The following UNC79 variants were observed in gnomAD, a reference collection of about 807,000 sequenced individuals.
The protein encoded by UNC79 is protein unc-79 homolog.
Under a neutral mutation model 283.1 loss-of-function variants are expected in UNC79, and 37 were observed. That is an observed-to-expected ratio of 0.13 (90% CI 0.10 to 0.17). The LOEUF (loss-of-function observed/expected upper bound fraction) is 0.17, where lower values mean the gene tolerates loss of function less well. Among genes scored for constraint, UNC79 ranks in the 10% least tolerant of loss-of-function variants. The pLI, the probability that UNC79 is intolerant of heterozygous loss-of-function variation, is 1.00. For synonymous variants in UNC79, 1,107 were observed against 1,200.2 expected (o/e 0.92, Z 1.61); for missense variants, 2,272 against 3,211.1 (o/e 0.71, Z 7.07).
chr14:93,405,769 A>G (rs1250831025), intron 1 of UNC79, among the ~76,000 whole-genome samples: 1 of 152,268 alleles, frequency 6.6e-6, no homozygotes, highest in African/African-American at 2.4e-5. Context: ...TGAAATGCAT[A>G]CAGCTAAGGT....
intron 22 of UNC79, among the ~76,000 whole-genome samples, chr14:93,590,047 G>T (rs995749893): frequency 7.2e-5 from 11 of 152,144 alleles, no homozygotes; most frequent in African/African-American, 2.7e-4. Context: ...GAATGTCTTG[G>T]CTATAGCTGC....
chr14:93,640,210 A>G (rs2068895487), intron 32 of UNC79, among the ~76,000 whole-genome samples: 1 of 152,196 alleles, frequency 6.6e-6, no homozygotes, highest in South Asian at 2.1e-4. Flanking sequence ...TTCTTGCCTC[A>G]GATTTCTTTG....
intron 1 of UNC79, among the ~76,000 whole-genome samples, chr14:93,403,850 G>A (rs1293617550): frequency 6.7e-6 from 1 of 148,796 alleles, no homozygotes; most frequent in Non-Finnish European, 1.5e-5. Context: ...GTGTTGAAGT[G>A]AAAAAGACTT....
At chr14:93,516,620 T>G (rs2060076766) in intron 7 of UNC79, among the ~76,000 whole-genome samples, 1 of 152,002 alleles carries the variant, frequency 6.6e-6, no homozygotes, top group African/African-American at 2.4e-5. Context: ...TTAATTTTTG[T>G]ATTTTTAGTA....
rs568049494 is a variant in UNC79 at position 93,335,648 on chromosome 14, G to A, written c.-351+2125G>A. Among the ~76,000 whole-genome samples, 82 of 152,278 alleles carry A rather than the reference G, an allele frequency of 5.4e-4. 1 individual carries two copies. Among genetic ancestry groups the A allele is most frequent in the South Asian group, 3.9e-3 (19 of 4,826 alleles). On this transcript the variant is annotated intron_variant, in intron 1 of 49. Transcript: ENST00000256339. ...ATGTTTCTTCTTACTCTATTTCTCC[G>A]GGATTATGACTCGAAAGGACATGTA...
intron 7 of UNC79, among the ~76,000 whole-genome samples, chr14:93,500,361 C>A (rs2059221652): frequency 6.6e-6 from 1 of 152,172 alleles, no homozygotes. Flanking sequence ...TTATGGGATG[C>A]CTGCTGCCCT....
intron 28 of UNC79, 62 bp from the exon 30 acceptor site, chr14:93,618,130 G>C: frequency 6.5e-7 from 1 of 1,529,992 alleles, no homozygotes; most frequent in Non-Finnish European, 8.8e-7. Flanking sequence ...AGCAAGATCA[G>C]GTGGAAAAGC....
intron 26 of UNC79, among the ~76,000 whole-genome samples, chr14:93,605,673 A>G (rs2065834459): frequency 6.6e-6 from 1 of 152,232 alleles, no homozygotes; most frequent in Non-Finnish European, 1.5e-5. Flanking sequence ...TTGAGTTTTC[A>G]TCTAAGACTA....
intron 33 of UNC79, among the ~76,000 whole-genome samples, chr14:93,642,678 A>C (rs1291147920): frequency 2.0e-5 from 3 of 151,884 alleles, no homozygotes; most frequent in African/African-American, 7.3e-5. Context: ...CTTTCTGTGC[A>C]CTCCATTTCT....
At chr14:93,500,882 T>A (rs1254632024) in intron 7 of UNC79, among the ~76,000 whole-genome samples, 2 of 152,216 alleles carry the variant, frequency 1.3e-5, no homozygotes, top group African/African-American at 4.8e-5. Context: ...AAGAGTATCA[T>A]CAGTATTGAA....
chr14:93,658,726 T>A (rs1164851250), intron 38 of UNC79, among the ~76,000 whole-genome samples: 1 of 152,152 alleles, frequency 6.6e-6, no homozygotes, highest in Non-Finnish European at 1.5e-5. Context: ...GGATTCATGG[T>A]TTTTTTAAAA....
chr14:93,512,133 G>A (rs1004723954), intron 7 of UNC79, among the ~76,000 whole-genome samples: 3 of 151,906 alleles, frequency 2.0e-5, no homozygotes, highest in Admixed American at 1.3e-4. Flanking sequence ...CAAATATCTG[G>A]GCTCTAGTTA....
At chr14:93,672,877 C>CA (rs1251940075) in intron 40 of UNC79, among the ~76,000 whole-genome samples, 1 of 152,110 alleles carries the variant, frequency 6.6e-6, no homozygotes, top group Non-Finnish European at 1.5e-5. Context: ...TGTGATCTGA[C>CA]AAAGAGGGTG....
chr14:93,548,433 T>C (rs1049343057), intron 14 of UNC79, among the ~76,000 whole-genome samples: 5 of 152,160 alleles, frequency 3.3e-5, no homozygotes, highest in African/African-American at 1.2e-4. Context: ...CTGTGGTAGT[T>C]TCCTAGGCAG....
exon 14 of UNC79, chr14:93,542,548 C>G: frequency 6.2e-7 from 1 of 1,614,206 alleles, no homozygotes; most frequent in Non-Finnish European, 8.5e-7. Flanking sequence ...TGGTTTCACT[C>G]CACTGCGTAT....
intron 45 of UNC79, chr14:93,691,348 A>C (rs1319333332): frequency 4.2e-6 from 1 of 236,766 alleles, no homozygotes; most frequent in African/African-American, 2.2e-5. Flanking sequence ...CACGTATATC[A>C]CCTGCTTTAC....
At chr14:93,543,091 CA>C (rs998820081) in intron 14 of UNC79, among the ~76,000 whole-genome samples, 1 of 150,788 alleles carries the variant, frequency 6.6e-6, no homozygotes, top group South Asian at 2.1e-4. Flanking sequence ...GAAACAACAA[CA>C]AAAAAGCCTT....
At chr14:93,563,223 A>G (rs976746255) in intron 14 of UNC79, among the ~76,000 whole-genome samples, 1 of 152,210 alleles carries the variant, frequency 6.6e-6, no homozygotes, top group African/African-American at 2.4e-5. Context: ...AAAAACTGCC[A>G]TGAGGGACAG....
intron 34 of UNC79, among the ~76,000 whole-genome samples, chr14:93,645,856 G>C (rs2069541669): frequency 6.6e-6 from 1 of 152,112 alleles, no homozygotes; most frequent in Non-Finnish European, 1.5e-5. Flanking sequence ...GGTGTTAGTG[G>C]TTGCTGGACC....
Sources: gnomAD v4.1 joint callset for allele counts (sites outside exome capture counted in the v4.1 genomes callset) on GRCh38, gnomAD v4.1.1 for gene constraint, MANE v1.5 for transcripts, NCBI Gene and HGNC (gene_info 2026-07-23, HGNC 2026-07-21) for gene names.